EYA4: variants seen among roughly 807,000 people sequenced by gnomAD.
EYA4 encodes the protein protein phosphatase EYA4.
In EYA4, 31 loss-of-function variants were observed where a neutral mutation model predicts 87.9. The ratio of observed to expected loss-of-function variants is 0.35; its 90% CI spans 0.27 to 0.48. EYA4 has a LOEUF of 0.48. Among genes scored for constraint, EYA4 ranks in the 20% least tolerant of loss-of-function variants. The pLI is 0.99. For missense variants in EYA4, 678 were observed against 761.4 expected (o/e 0.89, Z 1.29); for synonymous variants, 263 against 270.6 (o/e 0.97, Z 0.28).
chr6:133,499,140 C>T (rs1017537168), intron 13 of EYA4, among the ~76,000 whole-genome samples: 1 of 152,162 alleles, frequency 6.6e-6, no homozygotes, highest in Non-Finnish European at 1.5e-5. Context: ...AGTTGATGAT[C>T]ATTTAATCTC....
intron 2 of EYA4, among the ~76,000 whole-genome samples, chr6:133,293,543 G>A (rs2128300827): frequency 6.6e-6 from 1 of 152,266 alleles, no homozygotes; most frequent in African/African-American, 2.4e-5. Context: ...ACCTGTCATA[G>A]CACCTTAACT....
At chr6:133,357,140 G>T (rs1212476056) in intron 2 of EYA4, among the ~76,000 whole-genome samples, 1 of 151,402 alleles carries the variant, frequency 6.6e-6, no homozygotes, top group South Asian at 2.1e-4. Flanking sequence ...GCTTCGTGGC[G>T]GGCGCCTGTA....
chr6:133,465,004 T>A, intron 10 of EYA4, 146 bp downstream of exon 10: 1 of 632,786 alleles, frequency 1.6e-6, no homozygotes, highest in Non-Finnish European at 2.8e-6. Context: ...AGTAAAAAAT[T>A]AGCTATCTAG....
intron 2 of EYA4, among the ~76,000 whole-genome samples, chr6:133,294,023 T>TA (rs1778716379): frequency 1.1e-4 from 9 of 78,780 alleles, no homozygotes; most frequent in Non-Finnish European, 2.0e-4. Context: ...TAGGGTGATT[T>TA]TATATATATA....
At chr6:133,427,537 G>T (rs146126086) in intron 3 of EYA4, among the ~76,000 whole-genome samples, 156 of 152,248 alleles carry the variant, frequency 1.0e-3, no homozygotes, top group African/African-American at 3.7e-3. Flanking sequence ...AGGCCATTTT[G>T]CAAGTCTTTC....
At chr6:133,248,276 T>C (rs368575057) in intron 1 of EYA4, 1 of 152,196 alleles carries the variant, frequency 6.6e-6, no homozygotes, top group Admixed American at 6.5e-5. Flanking sequence ...TTTCCCCCTT[T>C]CTTTTTAAAA....
chr6:133,382,701 A>T (rs1786330445), intron 3 of EYA4, among the ~76,000 whole-genome samples: 1 of 151,952 alleles, frequency 6.6e-6, no homozygotes, highest in Admixed American at 6.6e-5. Context: ...CTTGGCATTA[A>T]GTTAATGTTC....
intron 19 of EYA4, among the ~76,000 whole-genome samples, chr6:133,527,366 T>C (rs1018306367): frequency 2.6e-5 from 4 of 152,166 alleles, no homozygotes; most frequent in Admixed American, 2.6e-4. Context: ...AGAAGAAATA[T>C]CAAAGTTTAG....
intron 2 of EYA4, among the ~76,000 whole-genome samples, chr6:133,342,326 A>G (rs1253897527): frequency 6.9e-6 from 1 of 145,600 alleles, no homozygotes. Context: ...GGGACTGGAA[A>G]GGGAGGGTCC....
chr6:133,282,418 C>T (rs866005703), intron 2 of EYA4, among the ~76,000 whole-genome samples: 4 of 152,040 alleles, frequency 2.6e-5, no homozygotes, highest in Admixed American at 2.6e-4. Context: ...ATATCCTTTT[C>T]CTACTTCTAA....
intron 1 of EYA4, among the ~76,000 whole-genome samples, chr6:133,266,754 T>G (rs904027465): frequency 6.6e-6 from 1 of 152,090 alleles, no homozygotes; most frequent in Admixed American, 6.6e-5. Context: ...GTTATGTACC[T>G]GAAAAATGTG....
rs117816923 is a variant in EYA4, at chr6:133,367,850, G to A, written c.34-14542G>A. Among the ~76,000 whole-genome samples the A allele has an allele frequency of 2.4e-4, 36 of 152,182 alleles. No individual in the cohort carries two copies. In the East Asian group the frequency reaches 4.8e-3, roughly 20 times the overall value. ...TTGCTATGTGCTTGGTTTTAAACAT[G>A]GGGTAATGAAAACCGTTATTGTTAA... On this transcript the variant is annotated intron_variant, in intron 2 of 19. Transcript: ENST00000355286.
chr6:133,313,895 AT>A (rs536419862), intron 2 of EYA4, among the ~76,000 whole-genome samples: 1 of 71,516 alleles, frequency 1.4e-5, no homozygotes, highest in South Asian at 4.1e-4. Flanking sequence ...CTGATGTCTT[AT>A]TTTTTTTCTG....
chr6:133,285,754 A>G (rs1021222348), intron 2 of EYA4, among the ~76,000 whole-genome samples: 1 of 152,194 alleles, frequency 6.6e-6, no homozygotes, highest in Non-Finnish European at 1.5e-5. Flanking sequence ...AAGTCGTTGC[A>G]TTGGGGTTAA....
chr6:133,331,854 C>T (rs934307915), intron 2 of EYA4, among the ~76,000 whole-genome samples: 2 of 152,140 alleles, frequency 1.3e-5, no homozygotes, highest in African/African-American at 4.8e-5. Flanking sequence ...ACAAAAATGT[C>T]GCCTTTTAGA....
chr6:133,348,743 T>G (rs1044308698), intron 2 of EYA4, among the ~76,000 whole-genome samples: 50 of 152,136 alleles, frequency 3.3e-4, no homozygotes, highest in African/African-American at 1.2e-3. Flanking sequence ...AACCAGAATT[T>G]AATAAATTTC....
intron 2 of EYA4, among the ~76,000 whole-genome samples, chr6:133,370,204 T>A (rs1030206875): frequency 2.0e-5 from 3 of 152,218 alleles, no homozygotes; most frequent in African/African-American, 7.2e-5. Flanking sequence ...TATTGGCTGC[T>A]GAACTTCACA....
rs3777855 is a variant in EYA4 at position 133,431,990 on chromosome 6, A to G, written c.84-14640A>G. ...GCCAATATCTTTTTCATGAGGGCAG[A>G]CCATGGTGCATTATTCCACCCCCGC... On this transcript the variant is annotated intron_variant, in intron 3 of 19. Transcript: ENST00000355286. 1.0e-3 allele frequency among the ~76,000 whole-genome samples: 156 copies of G among 150,500 alleles called. 4 individuals carry two copies. The East Asian group carries it at 0.028, about 27-fold the overall frequency.
At chr6:133,513,883 A>T (rs922372061) in intron 16 of EYA4, among the ~76,000 whole-genome samples, 1 of 152,204 alleles carries the variant, frequency 6.6e-6, no homozygotes, top group Non-Finnish European at 1.5e-5. Flanking sequence ...TACTAAATAT[A>T]CATGTGCATA....
Sources: allele counts gnomAD v4.1 joint callset (sites outside exome capture counted in the v4.1 genomes callset), GRCh38; gene constraint gnomAD v4.1.1; transcripts MANE v1.5; gene names NCBI Gene and HGNC (gene_info 2026-07-23, HGNC 2026-07-21).